The following RAI14 variants were observed in gnomAD, a reference collection of about 807,000 sequenced individuals.
The protein encoded by RAI14 is ankycorbin.
RAI14 carries 45 observed loss-of-function variants against 115.4 expected under a neutral mutation model. The ratio of observed to expected loss-of-function variants is 0.39; its 90% CI spans 0.31 to 0.50. The LOEUF (loss-of-function observed/expected upper bound fraction) is 0.50, where lower values mean the gene tolerates loss of function less well. RAI14 is among the 20% of genes least tolerant of loss of function. The probability of loss-of-function intolerance (pLI) is 0.85; values close to 1 mark genes in which losing one functional copy is unlikely to be tolerated. For missense variants in RAI14, 939 were observed against 1,131.2 expected (o/e 0.83, Z 2.44); for synonymous variants, 371 against 415.4 (o/e 0.89, Z 1.30).
intron 2 of RAI14, among the ~76,000 whole-genome samples, chr5:34,714,910 C>T (rs901952585): frequency 2.6e-5 from 4 of 152,136 alleles, no homozygotes; most frequent in African/African-American, 4.8e-5. Flanking sequence ...TGCAGTTCCT[C>T]GGTCTACCTG....
chr5:34,725,767 A>G lies in RAI14; in HGVS notation c.37-31701A>G, dbSNP rs149847533. 1.1e-4 allele frequency among the ~76,000 whole-genome samples: 17 copies of G among 151,824 alleles called. No individual in the cohort carries two copies. The East Asian group carries it at 3.4e-3, about 30-fold the overall frequency. ...GATCACTTGAGGTCAGGAGTTTGAG[A>G]CCAGCCTGACCAACATGGTGAAACC... On this transcript the variant is annotated intron_variant, in intron 2 of 17. Transcript: ENST00000265109.
rs2150300346 is a variant in RAI14 at position 34,823,353 on chromosome 5, A to G, written c.1511A>G (p.Lys504Arg). 6.2e-7 allele frequency: 1 copy of G among 1,614,086 alleles called. No individual in the cohort carries two copies. The highest frequency in any genetic ancestry group is 8.5e-7 in the Non-Finnish European group (1 of 1,180,040). Residue 504 changes from lysine (K) to arginine (R), a missense_variant, in exon 15 of 18, where the codon AAG becomes AGG. Coordinates refer to ENST00000265109, the MANE Select transcript of RAI14 (RefSeq NM_015577.3). The surrounding 1 kb of genome is among the most constrained non-coding windows in gnomAD (Gnocchi z 4.5). ...EAMKEVLSVQKQMKLGLVSPE... is the reference protein window; with the variant it reads ...EAMKEVLSVQRQMKLGLVSPE... ...ATGAAAGAAGTCCTTAGTGTGCAGA[A>G]GCAGATGAAACTCGGTCTTGTCTCA...
chr5:34,720,183 C>T (rs867420579), intron 2 of RAI14, among the ~76,000 whole-genome samples: 1 of 151,954 alleles, frequency 6.6e-6, no homozygotes, highest in Non-Finnish European at 1.5e-5. Flanking sequence ...GCTAAACAAA[C>T]GATTAGCTCA....
chr5:34,727,724 G>A (rs1466993658), intron 2 of RAI14, among the ~76,000 whole-genome samples: 1 of 152,176 alleles, frequency 6.6e-6, no homozygotes, highest in Non-Finnish European at 1.5e-5. Flanking sequence ...GAGCCTACAG[G>A]TGCCCAGAAA....
chr5:34,702,173 G>A (rs1473279479), intron 2 of RAI14, among the ~76,000 whole-genome samples: 1 of 152,144 alleles, frequency 6.6e-6, no homozygotes, highest in Non-Finnish European at 1.5e-5. Flanking sequence ...ACACATTTGT[G>A]AGTCATTTAT....
chr5:34,758,699 G>A (rs559376709), intron 3 of RAI14, among the ~76,000 whole-genome samples: 3 of 152,248 alleles, frequency 2.0e-5, no homozygotes, highest in South Asian at 2.1e-4. Context: ...ATGTGCCACC[G>A]TGCCTGGCTG....
chr5:34,795,139 C>T (rs1181164171), intron 3 of RAI14, among the ~76,000 whole-genome samples: 2 of 152,198 alleles, frequency 1.3e-5, no homozygotes, highest in Non-Finnish European at 2.9e-5. Context: ...TGCCCTTCAT[C>T]CCGGGATCTG....
intron 2 of RAI14, among the ~76,000 whole-genome samples, chr5:34,706,036 C>T (rs971513779): frequency 2.6e-5 from 4 of 152,140 alleles, no homozygotes; most frequent in South Asian, 2.1e-4. Flanking sequence ...ACTGATTTTC[C>T]GTATGGAGCA....
In RAI14 at chr5:34,811,760, C is replaced by G; in HGVS notation, c.558-7C>G. 10 of 1,600,602 alleles carry G rather than the reference C, an allele frequency of 6.2e-6. No individual in the cohort carries two copies. Among genetic ancestry groups the G allele is most frequent in the Non-Finnish European group, 7.7e-6 (9 of 1,176,354 alleles). On this transcript the variant is annotated splice_polypyrimidine_tract_variant and splice_region_variant and intron_variant, in intron 8 of 17. Transcript: ENST00000265109. ...AGTACTAATTTTGTGTCTCTTTTTT[C>G]CTTTAGAACTGCTCTCATGCTGGCC...
intron 2 of RAI14, 45 bp downstream of exon 2, chr5:34,687,000 T>C (rs1744961181): frequency 6.2e-7 from 1 of 1,609,328 alleles, no homozygotes; most frequent in East Asian, 2.2e-5. Context: ...TTCTTCTCCA[T>C]GGAGCTGCAG....
At chr5:34,781,254 G>C (rs1751592860) in intron 3 of RAI14, among the ~76,000 whole-genome samples, 1 of 151,530 alleles carries the variant, frequency 6.6e-6, no homozygotes, top group African/African-American at 2.4e-5. Context: ...GATAGCATTA[G>C]GCGATATACC....
intron 3 of RAI14, among the ~76,000 whole-genome samples, chr5:34,764,390 G>T (rs1749071178): frequency 6.6e-6 from 1 of 152,156 alleles, no homozygotes; most frequent in African/African-American, 2.4e-5. Context: ...CACTTTAGGT[G>T]ATCTGAATGG....
intron 2 of RAI14, among the ~76,000 whole-genome samples, chr5:34,714,558 A>G (rs1257490758): frequency 1.3e-5 from 2 of 152,198 alleles, no homozygotes. Flanking sequence ...TAAGTAAGAA[A>G]TCTAAGTGTA....
rs71600953 is a variant in RAI14, at chr5:34,752,703, A to ATGTGTGTGTG, written c.37-4727_37-4718dup. The stretch of plus-strand genomic sequence containing the variant: ...AGAAATATCTATATTTCTTACATAT[A>ATGTGTGTGTG]TGTGTGTGTGTGTGTGTGTGTGTGT... On this transcript the variant is annotated intron_variant, in intron 2 of 17. Coordinates refer to ENST00000265109, the MANE Select transcript of RAI14 (RefSeq NM_015577.3). Among the ~76,000 whole-genome samples, 17 of 83,020 alleles carry ATGTGTGTGTG rather than the reference A, an allele frequency of 2.0e-4. 1 individual carries two copies. Among genetic ancestry groups the ATGTGTGTGTG allele is most frequent in the Admixed American group, 4.7e-4 (4 of 8,498 alleles). The allele number at this position is 83,020 out of a possible 152,430, so 54.5% of individuals were successfully genotyped here. A position where few individuals can be genotyped will look rare whatever the true frequency, so the allele number is the denominator to read the frequency against.
intron 2 of RAI14, among the ~76,000 whole-genome samples, chr5:34,722,141 G>A (rs1344798948): frequency 8.3e-5 from 1 of 12,036 alleles, no homozygotes; most frequent in African/African-American, 4.1e-4. Context: ...TATGAGCTGA[G>A]TTGTGGCCCC....
rs1039346072 is a variant in RAI14, at chr5:34,681,656, G to A, written c.-48-5216G>A. On this transcript the variant is annotated intron_variant, in intron 1 of 17. Transcript: ENST00000265109. Reference sequence around the variant, plus strand: ...ACTACGGGCATGTGCCACCACCCCCGGCTAATTAAAAAAATTTTTTTTTGT... The same window carrying A: ...ACTACGGGCATGTGCCACCACCCCCAGCTAATTAAAAAAATTTTTTTTTGT... Among the ~76,000 whole-genome samples, 110 of 151,770 alleles carry A rather than the reference G, an allele frequency of 7.2e-4. 1 individual carries two copies. Among genetic ancestry groups the A allele is most frequent in the Non-Finnish European group, 2.6e-4 (18 of 67,958 alleles).
At chr5:34,756,995 AAG>A (rs1747974213) in intron 2 of RAI14, among the ~76,000 whole-genome samples, 1 of 152,206 alleles carries the variant, frequency 6.6e-6, no homozygotes, top group Non-Finnish European at 1.5e-5. Flanking sequence ...ACAGACCAGA[AAG>A]AGAGGCAATA....
intron 2 of RAI14, among the ~76,000 whole-genome samples, chr5:34,732,314 A>G (rs1429333303): frequency 2.0e-5 from 3 of 152,154 alleles, no homozygotes; most frequent in African/African-American, 7.2e-5. Context: ...GACAGTATAT[A>G]TAGAAAGAGC....
chr5:34,760,809 A>G lies in RAI14; in HGVS notation c.167+3211A>G, dbSNP rs775863620. Among the ~76,000 whole-genome samples, 3 of 152,182 alleles carry G rather than the reference A, an allele frequency of 2.0e-5. No homozygotes were observed. In the East Asian group the frequency reaches 5.8e-4, roughly 29 times the overall value. ...TGTAGAGGCATTAAGTATATTCACAATGTTGCACAACCATTGTCACTTTCT... is the reference window on the plus strand; with the variant it reads ...TGTAGAGGCATTAAGTATATTCACAGTGTTGCACAACCATTGTCACTTTCT... On this transcript the variant is annotated intron_variant, in intron 3 of 17. Transcript: ENST00000265109.
Sources: allele counts gnomAD v4.1 joint callset (sites outside exome capture counted in the v4.1 genomes callset), GRCh38; gene constraint gnomAD v4.1.1; non-coding constraint Gnocchi (gnomAD v3.1); transcripts MANE v1.5; gene names NCBI Gene and HGNC (gene_info 2026-07-23, HGNC 2026-07-21).